Variants in RFPL2 observed in about 807,000 individuals in gnomAD.
RFPL2 encodes the protein ret finger protein like 2.
In RFPL2, 13 loss-of-function variants were observed where a neutral mutation model predicts 17.8. That is an observed-to-expected ratio of 0.73 (90% CI 0.47 to 1.16). RFPL2 has a LOEUF of 1.16. Among genes scored for constraint, RFPL2 ranks in the 50% most tolerant of loss-of-function variants. The pLI is 0.00. For synonymous variants in RFPL2, 189 were observed against 180.9 expected (o/e 1.04, Z -0.36); for missense variants, 431 against 479.3 (o/e 0.90, Z 0.94).
chr22:32,193,659 G>A (rs546117121), intron 3 of RFPL2, among the ~76,000 whole-genome samples: 96 of 152,246 alleles, frequency 6.3e-4, no homozygotes, highest in African/African-American at 2.1e-3. Flanking sequence ...TCAAAAGTTC[G>A]AGACCAGCCT....
rs201434706 is a variant in RFPL2, at chr22:32,193,019, G to A, written c.439C>T (p.Arg147Trp). 1.2e-4 allele frequency: 189 copies of A among 1,614,062 alleles called. 1 individual carries two copies. In the African/African-American group the frequency reaches 2.2e-3, roughly 19 times the overall value. The change falls in exon 4 of 5, where the codon CGG (arginine) becomes TGG (tryptophan). Residue 147 changes from arginine (R) to tryptophan (W), a missense_variant. By Grantham distance (101) the Arg-to-Trp change is moderately radical. Transcript: ENST00000652607. ...CGATTGCGCCTGATTTTGTTCTTCC[G>A]AGAGACCATGGAAGAGCAACAGCAA... ...LLCCCSSMVS[R>W]KNKIRRNRQL...
chr22:32,190,664 A>G lies in RFPL2; in HGVS notation c.*108T>C, dbSNP rs781282625. 7.8e-6 allele frequency: 9 copies of G among 1,148,586 alleles called. No homozygotes were observed. Among genetic ancestry groups the G allele is most frequent in the Non-Finnish European group, 1.1e-5 (9 of 821,478 alleles). 71.1% of individuals were successfully genotyped at this position (1,148,586 alleles called of 1,614,324 possible). On this transcript the variant is annotated 3_prime_UTR_variant, in exon 5 of 5. Transcript: ENST00000652607. ...TAAGTACAATCAAGAAATGTCCCAT[A>G]TTTTTCTCCCGTGACTTTGTATAAT...
At chr22:32,198,387 G>A (rs1923569359) in intron 2 of RFPL2, among the ~76,000 whole-genome samples, 1 of 151,866 alleles carries the variant, frequency 6.6e-6, no homozygotes, top group African/African-American at 2.4e-5. Flanking sequence ...ATCTCAGCTT[G>A]AGAAGGGCAG....
intron 2 of RFPL2, among the ~76,000 whole-genome samples, chr22:32,195,302 A>T (rs1173438496): frequency 6.6e-6 from 1 of 152,078 alleles, no homozygotes; most frequent in Non-Finnish European, 1.5e-5. Context: ...ACTCTGAGAC[A>T]CTCAGGTCTT....
chr22:32,195,102 TC>T (rs1923179325), intron 2 of RFPL2, among the ~76,000 whole-genome samples: 1 of 152,250 alleles, frequency 6.6e-6, no homozygotes, highest in African/African-American at 2.4e-5. Flanking sequence ...CCGAATCTTT[TC>T]GTCTTCATGC....
chr22:32,196,076 G>A lies in RFPL2; in HGVS notation c.120-1586C>T, dbSNP rs1014894678. 3.3e-5 allele frequency among the ~76,000 whole-genome samples: 5 copies of A among 152,094 alleles called. No homozygotes were observed. In the East Asian group the frequency reaches 9.6e-4, roughly 29 times the overall value. The stretch of plus-strand genomic sequence containing the variant: ...TCTATGCTCTGCTTCTGTGAGCTCA[G>A]CATTTTTCTTTTACCTCCCATATAG... On this transcript the variant is annotated intron_variant, in intron 2 of 4. Transcript: ENST00000652607.
At position 32,190,901 on chromosome 22, in the gene RFPL2, A is replaced by C; in HGVS notation, c.1008T>G (p.Ala336=). 3 of 1,599,782 alleles carry C rather than the reference A, an allele frequency of 1.9e-6. No homozygotes were observed. The highest frequency in any genetic ancestry group is 2.6e-6 in the Non-Finnish European group (3 of 1,172,274). The change falls in exon 5 of 5, where the codon GCT becomes GCG. Residue 336 remains alanine (A), a synonymous_variant. Coordinates refer to ENST00000652607, the MANE Select transcript of RFPL2 (RefSeq NM_001394555.1). ...CCAAAAATGGGCGCAATGGCTCCTC[A>C]GCAGATACGCTCCTGAATGTATAGA... ...SHVYTFRSVS[A]EEPLRPFLAP...
chr22:32,200,280 C>T (rs1036216377), intron 2 of RFPL2: 45 of 245,640 alleles, frequency 1.8e-4, no homozygotes, highest in Non-Finnish European at 6.7e-5. Context: ...GCTGCAGGAT[C>T]CCAGAACAGG....
intron 2 of RFPL2, among the ~76,000 whole-genome samples, chr22:32,198,594 C>A (rs1923600256): frequency 6.6e-6 from 1 of 151,838 alleles, no homozygotes; most frequent in African/African-American, 2.4e-5. Context: ...GTCTCTTCTT[C>A]CCTCTCCTTC....
intron 2 of RFPL2, among the ~76,000 whole-genome samples, chr22:32,197,901 A>G (rs1569352526): frequency 6.6e-6 from 1 of 152,194 alleles, no homozygotes; most frequent in Non-Finnish European, 1.5e-5. Context: ...AACACACCCA[A>G]AATGAACATG....
At chr22:32,199,413 C>G (rs886327193) in intron 2 of RFPL2, among the ~76,000 whole-genome samples, 1 of 152,152 alleles carries the variant, frequency 6.6e-6, no homozygotes, top group Non-Finnish European at 1.5e-5. Flanking sequence ...ACAGAGAACC[C>G]TGGACAGACA....
Position 32,192,995 on chromosome 22 carries a change from G to A in RFPL2, c.463C>T (p.Arg155Trp), listed in dbSNP as rs778375746. 2.0e-5 allele frequency: 33 copies of A among 1,614,014 alleles called. No homozygotes were observed. Among genetic ancestry groups the A allele is most frequent in the East Asian group, 1.8e-4 (8 of 44,894 alleles). The change falls in exon 4 of 5, where the codon CGG becomes TGG. Residue 155 changes from arginine to tryptophan, a missense_variant. Arg to Trp is a moderately radical substitution (Grantham distance 101). Coordinates refer to ENST00000652607, the MANE Select transcript of RFPL2 (RefSeq NM_001394555.1). ...TGGGAAGCCAGCCTCTCTAGCTGCC[G>A]ATTGCGCCTGATTTTGTTCTTCCGA... ...VSRKNKIRRN[R>W]QLERLASHIK...
chr22:32,196,834 C>T (rs548365885), intron 2 of RFPL2, among the ~76,000 whole-genome samples: 2 of 152,158 alleles, frequency 1.3e-5, no homozygotes, highest in South Asian at 4.1e-4. Context: ...AAAAGCCACT[C>T]GGACAGGTGT....
At chr22:32,193,309 G>A (rs3959626) in intron 3 of RFPL2, 117 bp from the exon 4 acceptor site, 32 of 1,594,164 alleles carry the variant, frequency 2.0e-5, no homozygotes, top group Admixed American at 6.8e-5. Flanking sequence ...TTGTCACTCC[G>A]AGAATAAGAC....
At chr22:32,196,104 G>A (rs1923304287) in intron 2 of RFPL2, among the ~76,000 whole-genome samples, 1 of 152,174 alleles carries the variant, frequency 6.6e-6, no homozygotes, top group Non-Finnish European at 1.5e-5. Context: ...CCATATAGGA[G>A]TGAGAACATG....
In RFPL2 at chr22:32,191,161, T is replaced by G; in HGVS notation, c.748A>C (p.Ser250Arg). 3.7e-6 allele frequency: 6 copies of G among 1,613,954 alleles called. No individual in the cohort carries two copies. Among genetic ancestry groups the G allele is most frequent in the Non-Finnish European group, 5.1e-6 (6 of 1,179,868 alleles). Residue 250 changes from serine to arginine, a missense_variant, in exon 5 of 5, where the codon AGC becomes CGC. Physicochemically the swap from Ser to Arg is moderately radical, Grantham distance 110 (BLOSUM62 -1). Coordinates refer to ENST00000652607, the MANE Select transcript of RFPL2 (RefSeq NM_001394555.1). The stretch of plus-strand genomic sequence containing the variant: ...CAGACTCCCAGGTCCCATTCTGTGC[T>G]TGTTCCCACGTCCACCTCCCAGCAG... ...RHCWEVDVGT[S>R]TEWDLGVCRE... is the part of the protein sequence containing the mutation.
chr22:32,202,151 GAT>G (rs1923978378), intron 2 of RFPL2, among the ~76,000 whole-genome samples, 180 bp downstream of exon 2: 1 of 152,004 alleles, frequency 6.6e-6, no homozygotes, highest in Admixed American at 6.6e-5. Flanking sequence ...AGCATCTTCA[GAT>G]CTCTCTCCTG....
At chr22:32,191,448 T>TTC (rs1240638442) in intron 4 of RFPL2, 96 bp from the exon 5 acceptor site, 30 of 1,432,760 alleles carry the variant, frequency 2.1e-5, no homozygotes, top group Non-Finnish European at 2.6e-5. Flanking sequence ...TGACTTTAGT[T>TTC]TCTTTAATTC....
In RFPL2 at chr22:32,203,626, C is replaced by CTGT. The variant is rs1924206636; in HGVS notation, c.-99-1077_-99-1076insACA. On this transcript the variant is annotated intron_variant, in intron 1 of 4. Transcript: ENST00000652607. Reference sequence around the variant, plus strand: ...TCCGCCCCCGATAATGTCCCATACACGCTCCTGGCTGTGGGCAGTGCAGCC... The same window carrying CTGT: ...TCCGCCCCCGATAATGTCCCATACACTGTGCTCCTGGCTGTGGGCAGTGCAGCC... The CTGT allele has an allele frequency of 1.3e-5, 2 of 152,172 alleles. 1 individual carries two copies. Among genetic ancestry groups the CTGT allele is most frequent in the South Asian group, 4.1e-4 (2 of 4,830 alleles). The allele number at this position is 152,172 out of a possible 1,614,324, so 9.4% of individuals were successfully genotyped here. A position where few individuals can be genotyped will look rare whatever the true frequency, so the allele number is the denominator to read the frequency against.
Sources: gnomAD v4.1 joint callset for allele counts (sites outside exome capture counted in the v4.1 genomes callset) on GRCh38, gnomAD v4.1.1 for gene constraint, MANE v1.5 for transcripts, NCBI Gene and HGNC (gene_info 2026-07-23, HGNC 2026-07-21) for gene names.